Variants in MED15 observed in about 807,000 individuals in gnomAD.
MED15 encodes the protein mediator of RNA polymerase II transcription subunit 15.
In MED15, 41 loss-of-function variants were observed where a neutral mutation model predicts 118.7. The ratio of observed to expected loss-of-function variants is 0.35; its 90% confidence interval spans 0.27 to 0.45. MED15 has a LOEUF of 0.45. Among genes scored for constraint, MED15 ranks in the 20% least tolerant of loss-of-function variants. MED15 has a pLI of 1.00. For synonymous variants in MED15, 436 were observed against 413.9 expected, an observed-to-expected ratio of 1.05 and a Z score of -0.65; for missense variants, 740 against 1,025.5, an observed-to-expected ratio of 0.72 and a Z score of 3.80.
intron 1 of MED15, among the ~76,000 whole-genome samples, chr22:20,519,820 G>A (rs578110437): frequency 5.9e-5 from 9 of 152,316 alleles, no homozygotes; most frequent in African/African-American, 2.2e-4. Context: ...AAGCACTCAG[G>A]CATCCTCTTC....
At chr22:20,583,794 G>A (rs562916133) in intron 13 of MED15, 5 of 250,982 alleles carry the variant, frequency 2.0e-5, no homozygotes, top group South Asian at 1.2e-4. Flanking sequence ...TGTAGCCCAC[G>A]TGTGTTGTCA....
Position 20,546,511 on chromosome 22 carries a change from G to GT in MED15, c.157-4912dup, listed in dbSNP as rs748241696. Among the ~76,000 whole-genome samples, 993 of 134,094 alleles carry GT rather than the reference G, an allele frequency of 7.4e-3. 27 individuals are homozygous for GT. Among genetic ancestry groups the GT allele is most frequent in the Non-Finnish European group, 9.7e-3 (629 of 65,082 alleles). 88.0% of individuals were successfully genotyped at this position (134,094 alleles called of 152,430 possible). A position where few individuals can be genotyped will look rare whatever the true frequency, so the allele number is the denominator to read the frequency against. On this transcript the variant is annotated intron_variant, in intron 2 of 17. Transcript: ENST00000263205. ...ACATTCGTTACATGGAGTTTTTTTT[G>GT]TTTTTTTTTTTTTGTCAAGAAAGGT...
intron 1 of MED15, among the ~76,000 whole-genome samples, chr22:20,518,369 T>C (rs903839611): frequency 9.2e-5 from 14 of 152,154 alleles, no homozygotes; most frequent in African/African-American, 2.9e-4. Context: ...TCCTTCCAAG[T>C]TACCTTTCTT....
chr22:20,513,886 CAG>C (rs2054163572), intron 1 of MED15, among the ~76,000 whole-genome samples: 1 of 152,120 alleles, frequency 6.6e-6, no homozygotes. Flanking sequence ...TTTTTTGAAA[CAG>C]AATCTTGCTC....
intron 5 of MED15, among the ~76,000 whole-genome samples, chr22:20,560,687 C>T (rs888086639): frequency 6.6e-6 from 1 of 152,234 alleles, no homozygotes; most frequent in Non-Finnish European, 1.5e-5. Flanking sequence ...TGAGCCACAG[C>T]ACCCAACCCC....
At chr22:20,569,685 T>C (rs1457673069) in intron 8 of MED15, among the ~76,000 whole-genome samples, 1 of 152,168 alleles carries the variant, frequency 6.6e-6, no homozygotes, top group Admixed American at 6.5e-5. Context: ...GCATCCTACC[T>C]TGGCAGGGCA....
rs138193114 is a variant in MED15 at position 20,586,755 on chromosome 22, C to T, written c.*51C>T. The T allele has an allele frequency of 8.6e-5, 138 of 1,601,856 alleles. No homozygotes were observed. The East Asian group carries it at 2.9e-3, about 34-fold the overall frequency. ...CCTCATCGGGGCCAAGGACACACGC[C>T]TCCTGTCAGACACTTCTAGGTGTTG... On this transcript the variant is annotated 3_prime_UTR_variant, in exon 18 of 18. Transcript: ENST00000263205.
At chr22:20,538,889 C>T (rs2055181491) in intron 2 of MED15, among the ~76,000 whole-genome samples, 2 of 152,060 alleles carry the variant, frequency 1.3e-5, no homozygotes, top group South Asian at 4.1e-4. Context: ...TTAGTAGAGA[C>T]TGGGTTTCAT....
At chr22:20,573,292 C>T (rs972881591) in intron 8 of MED15, among the ~76,000 whole-genome samples, 9 of 152,224 alleles carry the variant, frequency 5.9e-5, no homozygotes, top group Non-Finnish European at 1.2e-4. Flanking sequence ...CAAACAGTCC[C>T]TATACCTTTG....
chr22:20,519,661 G>A (rs1035043378), intron 1 of MED15, among the ~76,000 whole-genome samples: 1 of 152,104 alleles, frequency 6.6e-6, no homozygotes. Context: ...CACCATATTG[G>A]CCAAGCTGGT....
Position 20,587,028 on chromosome 22 carries a change from G to A in MED15, c.*324G>A, listed in dbSNP as rs2146695267. On this transcript the variant is annotated 3_prime_UTR_variant, in exon 18 of 18. Coordinates refer to ENST00000263205, the MANE Select transcript of MED15 (RefSeq NM_001003891.3). ...TCCAGGTCCATCTCAGCAGCGTGAG[G>A]GTGCACTCAGGGTGTTGTTAGAGCG... is the stretch of plus-strand genomic sequence containing the variant. 1 of 411,620 alleles carries A rather than the reference G, an allele frequency of 2.4e-6. No individual in the cohort carries two copies. The highest frequency in any genetic ancestry group is 4.0e-5 in the East Asian group (1 of 24,840). 25.5% of individuals were successfully genotyped at this position (411,620 alleles called of 1,614,324 possible).
chr22:20,510,455 C>T (rs2054024139), intron 1 of MED15, among the ~76,000 whole-genome samples: 1 of 152,198 alleles, frequency 6.6e-6, no homozygotes, highest in Non-Finnish European at 1.5e-5. Flanking sequence ...CAAGTAGGTT[C>T]CACTAGGTCT....
intron 5 of MED15, among the ~76,000 whole-genome samples, chr22:20,561,845 T>C (rs1358503412): frequency 6.6e-6 from 1 of 151,674 alleles, no homozygotes; most frequent in African/African-American, 2.4e-5. Flanking sequence ...GAGACCCCCA[T>C]CTCTACATAA....
chr22:20,583,314 C>A lies in MED15; in HGVS notation c.1673-16C>A. 2.5e-6 allele frequency: 4 copies of A among 1,613,392 alleles called. No individual in the cohort carries two copies. The highest frequency in any genetic ancestry group is 3.4e-6 in the Non-Finnish European group (4 of 1,179,946). On this transcript the variant is annotated splice_polypyrimidine_tract_variant and intron_variant, in intron 12 of 17. Coordinates refer to ENST00000263205, the MANE Select transcript of MED15 (RefSeq NM_001003891.3). ...CACCAGGCTTGTGTCTTAGTGTGTA[C>A]CCTCTTCTGTCCCAGACAGAAAAAA...
chr22:20,533,388 C>A lies in MED15; in HGVS notation c.69-3729C>A, dbSNP rs139006638. Among the ~76,000 whole-genome samples the A allele has an allele frequency of 1.9e-4, 29 of 152,324 alleles. 1 individual carries two copies. The highest frequency in any genetic ancestry group is 7.0e-4 in the African/African-American group (29 of 41,566). ...TTCGCTTTGTCTCTATTTTGTGACA[C>A]TTGATCTTCAAACTAGAAACAGGAG... is the stretch of plus-strand genomic sequence containing the variant. On this transcript the variant is annotated intron_variant, in intron 1 of 17. Transcript: ENST00000263205.
At chr22:20,530,970 C>T (rs1047975449) in intron 1 of MED15, among the ~76,000 whole-genome samples, 1 of 152,192 alleles carries the variant, frequency 6.6e-6, no homozygotes, top group South Asian at 2.1e-4. Context: ...TTCTTTAACG[C>T]ATACCTAGCA....
chr22:20,582,332 C>G, intron 9 of MED15: 1 of 547,290 alleles, frequency 1.8e-6, no homozygotes, highest in South Asian at 2.2e-5. Context: ...CCTCACACTC[C>G]CACGACACAG....
intron 2 of MED15, among the ~76,000 whole-genome samples, chr22:20,547,147 A>G (rs753115420): frequency 1.3e-5 from 2 of 152,222 alleles, no homozygotes; most frequent in Non-Finnish European, 2.9e-5. Flanking sequence ...TCATTTCAGA[A>G]TAAACAGTTT....
intron 5 of MED15, among the ~76,000 whole-genome samples, chr22:20,559,313 A>G (rs2056138736): frequency 6.6e-6 from 1 of 152,234 alleles, no homozygotes; most frequent in South Asian, 2.1e-4. Context: ...TGAACAGCGC[A>G]TTAGATACAG....
Sources: gnomAD v4.1 joint callset for allele counts (sites outside exome capture counted in the v4.1 genomes callset) on GRCh38, gnomAD v4.1.1 for gene constraint, MANE v1.5 for transcripts, NCBI Gene and HGNC (gene_info 2026-07-23, HGNC 2026-07-21) for gene names.